The following RPS6KC1 variants were observed in gnomAD, a reference collection of about 807,000 sequenced individuals.
The protein encoded by RPS6KC1 is ribosomal protein S6 kinase C1, also known as inactive ribosomal protein S6 kinase delta-1.
RPS6KC1 carries 54 observed loss-of-function variants against 103.8 expected under a neutral mutation model. That is an observed-to-expected ratio of 0.52 (90% CI 0.42 to 0.65). The LOEUF (loss-of-function observed/expected upper bound fraction) is 0.65. Among genes scored for constraint, RPS6KC1 ranks in the 30% least tolerant of loss-of-function variants. RPS6KC1 has a pLI of 0.00. For missense variants in RPS6KC1, 1,151 were observed against 1,253.8 expected, an observed-to-expected ratio of 0.92 and a Z score of 1.24; for synonymous variants, 439 against 438.7, an observed-to-expected ratio of 1.00 and a Z score of -0.01.
At chr1:213,116,755 C>T (rs936435183) in intron 4 of RPS6KC1, among the ~76,000 whole-genome samples, 8 of 151,648 alleles carry the variant, frequency 5.3e-5, no homozygotes, top group Non-Finnish European at 1.0e-4. Flanking sequence ...CTGGTAGTGA[C>T]AAAATCTCTC....
chr1:213,058,284 T>TTTA (rs1482786869), intron 1 of RPS6KC1, among the ~76,000 whole-genome samples: 1 of 152,032 alleles, frequency 6.6e-6, no homozygotes, highest in East Asian at 1.9e-4. Flanking sequence ...TGAAGTCCAG[T>TTTA]TTATCAGTTC....
At chr1:213,408,441 ATTG>A in the RPS6KC1 span, among the ~76,000 whole-genome samples, 1 of 152,180 alleles carries the variant, frequency 6.6e-6, no homozygotes, top group Admixed American at 6.5e-5. Context: ...AAATCTAGGT[ATTG>A]TTGTGAAAGT....
rs541609055 is a variant in RPS6KC1 at position 213,166,487 on chromosome 1, C to T, written c.836-1371C>T. Among the ~76,000 whole-genome samples the T allele has an allele frequency of 6.6e-5, 10 of 152,178 alleles. No homozygotes were observed. The East Asian group carries it at 1.9e-3, about 29-fold the overall frequency. ...ACTGAGTAGAAAAGCCCTCTAAAAC[C>T]TTGCCTTTAGGACGTAAGCAGATTG... On this transcript the variant is annotated intron_variant, in intron 6 of 14. Transcript: ENST00000366960.
At chr1:213,583,834 A>AG in the RPS6KC1 span, among the ~76,000 whole-genome samples, 67 of 123,394 alleles carry the variant, frequency 5.4e-4, no homozygotes, top group African/African-American at 1.9e-3. Flanking sequence ...AAAAAAAAAA[A>AG]AAAAGAAAAA....
the RPS6KC1 span, among the ~76,000 whole-genome samples, chr1:213,665,225 C>A: frequency 7.3e-6 from 1 of 137,364 alleles, no homozygotes; most frequent in African/African-American, 2.7e-5. Context: ...AACAACAACA[C>A]ATTTTTCGAT....
chr1:213,051,414 T>G lies in RPS6KC1; in HGVS notation c.10T>G (p.Tyr4Asp), dbSNP rs770811305. Residue 4 changes from tyrosine (Y) to aspartate (D), a missense_variant, in exon 1 of 15, where the codon TAC (tyrosine) becomes GAC (aspartate). Tyr to Asp is a radical substitution (Grantham distance 160, BLOSUM62 -3). Around this residue, in one of 3 missense-constraint regions of RPS6KC1, gnomAD observed 959 missense variants for 1,006.3 expected, o/e 0.95. Transcript: ENST00000366960. MTS[Y>D]RERSADLARF... is the part of the protein sequence containing the mutation. ...CAGAGGCGGCGGGAGGATGACCTCT[T>G]ACCGGGAGCGGAGTGCCGACCTGGC... 3.7e-6 allele frequency: 6 copies of G among 1,612,488 alleles called. No individual in the cohort carries two copies. The highest frequency in any genetic ancestry group is 1.7e-4 in the Middle Eastern group (1 of 5,990).
intron 6 of RPS6KC1, among the ~76,000 whole-genome samples, chr1:213,155,652 A>G (rs921424576): frequency 2.0e-5 from 3 of 152,100 alleles, no homozygotes; most frequent in African/African-American, 7.2e-5. Context: ...TGACGTCAGC[A>G]ATTCGGGACT....
intron 3 of RPS6KC1, among the ~76,000 whole-genome samples, chr1:213,097,432 A>G (rs1227933715): frequency 1.3e-5 from 2 of 152,210 alleles, no homozygotes; most frequent in African/African-American, 4.8e-5. Context: ...AGACCATGCT[A>G]TTAACAGATG....
chr1:213,117,367 C>T lies in RPS6KC1; in HGVS notation c.429C>T (p.His143=). 1 of 1,610,758 alleles carries T rather than the reference C, an allele frequency of 6.2e-7. No homozygotes were observed. The highest frequency in any genetic ancestry group is 1.1e-5 in the South Asian group (1 of 90,872). The change falls in exon 5 of 15, where the codon CAC becomes CAT. Residue 143 remains histidine, a synonymous_variant. Transcript: ENST00000366960. ...AATTAATTGGTCCTGCTGAAGCTCA[C>T]TCAGATTCCCTCATTGATACCTTTC... The part of the protein sequence containing the change: ...SSELIGPAEA[H]SDSLIDTFPE...
At chr1:213,673,735 T>A in the RPS6KC1 span, among the ~76,000 whole-genome samples, 3 of 152,212 alleles carry the variant, frequency 2.0e-5, no homozygotes, top group Non-Finnish European at 4.4e-5. Context: ...ATAGCTCCAT[T>A]AGAATAGCCC....
At chr1:213,783,649 G>C in the RPS6KC1 span, among the ~76,000 whole-genome samples, 1 of 147,724 alleles carries the variant, frequency 6.8e-6, no homozygotes, top group African/African-American at 2.6e-5. Flanking sequence ...CTTATCAAGG[G>C]ATTTTTTTTT....
the RPS6KC1 span, among the ~76,000 whole-genome samples, chr1:213,328,539 T>TATATATA: frequency 7.6e-6 from 1 of 130,756 alleles, no homozygotes; most frequent in South Asian, 2.5e-4. Flanking sequence ...TATATATATA[T>TATATATA]ATCACACACA....
At chr1:213,800,136 GT>G in the RPS6KC1 span, among the ~76,000 whole-genome samples, 1 of 152,040 alleles carries the variant, frequency 6.6e-6, no homozygotes, top group Non-Finnish European at 1.5e-5. Context: ...GGGGGTTAGG[GT>G]TTCAACATAT....
chr1:213,119,861 A>G (rs1215881160), intron 5 of RPS6KC1, among the ~76,000 whole-genome samples: 4 of 151,982 alleles, frequency 2.6e-5, no homozygotes, highest in South Asian at 2.1e-4. Context: ...AGGAGACACA[A>G]CCTAAAGCTA....
At chr1:213,111,860 G>A (rs1380026536) in intron 4 of RPS6KC1, among the ~76,000 whole-genome samples, 2 of 152,126 alleles carry the variant, frequency 1.3e-5, no homozygotes, top group Non-Finnish European at 2.9e-5. Flanking sequence ...TTTAAAAGAT[G>A]GCTTAGTCTA....
At chr1:213,201,335 A>C (rs1246139944) in intron 8 of RPS6KC1, among the ~76,000 whole-genome samples, 1 of 152,204 alleles carries the variant, frequency 6.6e-6, no homozygotes, top group Non-Finnish European at 1.5e-5. Context: ...GCATATTACT[A>C]ATTGAAAGAT....
At chr1:213,635,426 G>C in the RPS6KC1 span, among the ~76,000 whole-genome samples, 26 of 152,152 alleles carry the variant, frequency 1.7e-4, no homozygotes, top group African/African-American at 5.8e-4. Flanking sequence ...TATCCACCAC[G>C]ATCAAGTTGG....
intron 6 of RPS6KC1, among the ~76,000 whole-genome samples, chr1:213,148,914 A>G (rs116334781): frequency 0.02 from 3,103 of 152,162 alleles, 102 homozygotes; most frequent in African/African-American, 0.069. Context: ...TAGGTTGTAT[A>G]TAAGTAGGAA....
chr1:213,072,685 A>C (rs948783699), intron 2 of RPS6KC1, among the ~76,000 whole-genome samples: 3 of 152,248 alleles, frequency 2.0e-5, no homozygotes, highest in African/African-American at 7.2e-5. Flanking sequence ...TATATGTATC[A>C]GTGAAAGTAA....
Sources: allele counts gnomAD v4.1 joint callset (sites outside exome capture counted in the v4.1 genomes callset), GRCh38; gene constraint gnomAD v4.1.1; regional missense constraint gnomAD v4.1.1; transcripts MANE v1.5; gene names NCBI Gene and HGNC (gene_info 2026-07-23, HGNC 2026-07-21).